PDZRN3: variants seen among roughly 807,000 people sequenced by gnomAD.
PDZRN3 encodes E3 ubiquitin-protein ligase PDZRN3.
In PDZRN3, 38 loss-of-function variants were observed where a neutral mutation model predicts 85.7. That is an observed-to-expected ratio of 0.44 (90% CI 0.34 to 0.58). The LOEUF is 0.58. Ranked by LOEUF, PDZRN3 falls within the 20% of genes least tolerant of loss-of-function variation. The pLI, the probability that PDZRN3 is intolerant of heterozygous loss-of-function variation, is 0.01. For missense variants in PDZRN3, 1,629 were observed against 1,506.4 expected (o/e 1.08, Z -1.35); for synonymous variants, 759 against 638.0 (o/e 1.19, Z -2.86).
intron 3 of PDZRN3, among the ~76,000 whole-genome samples, chr3:73,600,831 C>T (rs528856667): frequency 2.6e-5 from 4 of 152,238 alleles, no homozygotes; most frequent in South Asian, 2.1e-4. Context: ...CAGTAAGTAA[C>T]GCATTTGAGC....
At chr3:73,396,772 A>C (rs1439374074) in intron 5 of PDZRN3, among the ~76,000 whole-genome samples, 1 of 152,226 alleles carries the variant, frequency 6.6e-6, no homozygotes, top group Non-Finnish European at 1.5e-5. Flanking sequence ...TGGGAAATTA[A>C]AACAATAGAC....
At chr3:73,400,853 A>G (rs1701734257) in intron 5 of PDZRN3, 69 bp downstream of exon 5, 26 of 1,098,458 alleles carry the variant, frequency 2.4e-5, no homozygotes, top group South Asian at 1.7e-4. Flanking sequence ...TTATGCTTAT[A>G]GAGAACTTAT....
intron 1 of PDZRN3, among the ~76,000 whole-genome samples, chr3:73,618,192 T>C (rs770922509): frequency 6.6e-6 from 1 of 152,202 alleles, no homozygotes; most frequent in Non-Finnish European, 1.5e-5. Context: ...TGTTTTTTCA[T>C]CTGTAAAATG....
chr3:73,490,643 T>C (rs1703752716), intron 3 of PDZRN3, among the ~76,000 whole-genome samples: 1 of 152,214 alleles, frequency 6.6e-6, no homozygotes, highest in Non-Finnish European at 1.5e-5. Flanking sequence ...GCTTATTCTT[T>C]ACTGCTGAAT....
intron 3 of PDZRN3, among the ~76,000 whole-genome samples, chr3:73,555,570 G>A (rs1701674956): frequency 6.6e-6 from 1 of 152,186 alleles, no homozygotes; most frequent in South Asian, 2.1e-4. Context: ...CTTCAGGCTT[G>A]CTCCAGTATG....
chr3:73,499,006 G>A (rs1703923773), intron 3 of PDZRN3, among the ~76,000 whole-genome samples: 1 of 152,180 alleles, frequency 6.6e-6, no homozygotes, highest in African/African-American at 2.4e-5. Flanking sequence ...AGCATAGGCA[G>A]AAACCAGGCT....
chr3:73,389,977 CCT>C (rs777892143), intron 6 of PDZRN3, 99 bp from the exon 7 acceptor site: 76 of 870,256 alleles, frequency 8.7e-5, no homozygotes, highest in East Asian at 6.3e-4. Flanking sequence ...CATGCTCACC[CCT>C]GTGTTTCTGT....
At chr3:73,436,804 T>G (rs11718588) in intron 3 of PDZRN3, among the ~76,000 whole-genome samples, 1 of 151,912 alleles carries the variant, frequency 6.6e-6, no homozygotes, top group African/African-American at 2.4e-5. Flanking sequence ...TCCCAGCACT[T>G]TGGGAGGCTG....
chr3:73,389,721 C>T lies in PDZRN3; in HGVS notation c.1416+95G>A, dbSNP rs184706532. The T allele has an allele frequency of 6.2e-3, 5,528 of 892,130 alleles. 20 individuals are homozygous for T. The highest frequency in any genetic ancestry group is 8.8e-3 in the Non-Finnish European group (4,655 of 530,594). The allele number at this position is 892,130 out of a possible 1,614,324, so 55.3% of individuals were successfully genotyped here. On this transcript the variant is annotated intron_variant, in intron 7 of 9. Coordinates refer to ENST00000263666, the MANE Select transcript of PDZRN3 (RefSeq NM_015009.3). ...GCGTTTGTGATCCCTGTTCTTTAACCGCTTCTGCATTTTCAACCCTAGACC... is the reference window on the plus strand; with the variant it reads ...GCGTTTGTGATCCCTGTTCTTTAACTGCTTCTGCATTTTCAACCCTAGACC...
chr3:73,564,094 C>T (rs1559740393), intron 3 of PDZRN3, among the ~76,000 whole-genome samples: 1 of 152,190 alleles, frequency 6.6e-6, no homozygotes, highest in African/African-American at 2.4e-5. Flanking sequence ...ATTCTCTCTG[C>T]CTGAGTCATG....
Position 73,387,972 on chromosome 3 carries a change from A to C in PDZRN3, c.1514T>G (p.Leu505Arg), listed in dbSNP as rs1273041136. Residue 505 changes from leucine to arginine, a missense_variant, in exon 8 of 10, where the codon CTC becomes CGC. Leu to Arg is a moderately radical substitution (Grantham distance 102, BLOSUM62 -2). Transcript: ENST00000263666. ...ATCTGTAGGAAGCCAATTTACCTGG[A>C]GTTCAGGCCTTGCAATCAGCAATGA... ...NFSLLIARPELQLDEGWMDDD... is the reference protein window; with the variant it reads ...NFSLLIARPERQLDEGWMDDD... 1 of 1,483,228 alleles carries C rather than the reference A, an allele frequency of 6.7e-7. No homozygotes were observed. Among genetic ancestry groups the C allele is most frequent in the Non-Finnish European group, 9.3e-7 (1 of 1,076,604 alleles). 91.9% of individuals were successfully genotyped at this position (1,483,228 alleles called of 1,614,324 possible).
At chr3:73,490,561 G>GT (rs373470003) in intron 3 of PDZRN3, among the ~76,000 whole-genome samples, 2 of 152,154 alleles carry the variant, frequency 1.3e-5, no homozygotes, top group South Asian at 2.1e-4. Flanking sequence ...AAGATCAAAG[G>GT]TTTTTTTTCT....
intron 3 of PDZRN3, among the ~76,000 whole-genome samples, chr3:73,548,632 T>C (rs1701483878): frequency 6.6e-6 from 1 of 152,212 alleles, no homozygotes; most frequent in Non-Finnish European, 1.5e-5. Context: ...TTTATTAAGC[T>C]AATGAATTAT....
chr3:73,429,151 T>C (rs532579461), intron 3 of PDZRN3, among the ~76,000 whole-genome samples: 3 of 152,232 alleles, frequency 2.0e-5, no homozygotes, highest in East Asian at 3.9e-4. Flanking sequence ...GCTCGAGCAA[T>C]CCTCCCACCT....
chr3:73,443,473 C>CTTTTCCTTTT (rs1559682481), intron 3 of PDZRN3, among the ~76,000 whole-genome samples: 1 of 38,890 alleles, frequency 2.6e-5, no homozygotes, highest in African/African-American at 7.3e-5. Context: ...ATTTATTTTC[C>CTTTTCCTTTT]TTTTTCTTTT....
intron 3 of PDZRN3, among the ~76,000 whole-genome samples, chr3:73,542,464 A>T (rs1701299949): frequency 6.6e-6 from 1 of 152,154 alleles, no homozygotes; most frequent in South Asian, 2.1e-4. Flanking sequence ...CCATGACATA[A>T]AAAAAGGCAT....
intron 3 of PDZRN3, among the ~76,000 whole-genome samples, chr3:73,405,348 G>A (rs890402564): frequency 6.6e-6 from 1 of 152,200 alleles, no homozygotes; most frequent in Non-Finnish European, 1.5e-5. Context: ...TTAGATGGAA[G>A]TCCAGTGATT....
At chr3:73,419,812 C>G (rs562170783) in intron 3 of PDZRN3, among the ~76,000 whole-genome samples, 1 of 152,298 alleles carries the variant, frequency 6.6e-6, no homozygotes, top group Admixed American at 6.5e-5. Context: ...CTGGGTCTAA[C>G]ATAGGCTATC....
At chr3:73,587,439 T>C (rs1205583792) in intron 3 of PDZRN3, among the ~76,000 whole-genome samples, 2 of 152,190 alleles carry the variant, frequency 1.3e-5, no homozygotes, top group Non-Finnish European at 2.9e-5. Context: ...CATACTTACA[T>C]CTATGCTTAG....
Sources: allele counts gnomAD v4.1 joint callset (sites outside exome capture counted in the v4.1 genomes callset), GRCh38; gene constraint gnomAD v4.1.1; transcripts MANE v1.5; gene names NCBI Gene and HGNC (gene_info 2026-07-23, HGNC 2026-07-21).